The following C1orf21 variants were observed in gnomAD, a reference collection of about 807,000 sequenced individuals.
The protein encoded by C1orf21 is chromosome 1 open reading frame 21.
C1orf21 carries 3 observed loss-of-function variants against 18.7 expected under a neutral mutation model. The ratio of observed to expected loss-of-function variants is 0.16; its 90% CI spans 0.07 to 0.42. The LOEUF (loss-of-function observed/expected upper bound fraction) is 0.42. Ranked by LOEUF, C1orf21 falls within the 10% of genes least tolerant of loss-of-function variation. The pLI is 0.99. For synonymous variants in C1orf21, 41 were observed against 46.4 expected, an observed-to-expected ratio of 0.88 and a Z score of 0.47; for missense variants, 104 against 143.6, an observed-to-expected ratio of 0.72 and a Z score of 1.41.
rs545151701 is a variant in C1orf21 at position 184,399,904 on chromosome 1, C to T, written c.-125+12536C>T. On this transcript the variant is annotated intron_variant, in intron 1 of 5. Transcript: ENST00000235307. ...CTTGACAACATCAACTATTTGTTAC[C>T]CTGAGATATAGTTTATGTAGGAAAA... Among the ~76,000 whole-genome samples the T allele has an allele frequency of 7.2e-5, 11 of 152,120 alleles. No homozygotes were observed. In the South Asian group the frequency reaches 2.3e-3, roughly 32 times the overall value.
At chr1:184,391,974 C>G (rs1475756185) in intron 1 of C1orf21, among the ~76,000 whole-genome samples, 1 of 152,172 alleles carries the variant, frequency 6.6e-6, no homozygotes, top group African/African-American at 2.4e-5. Flanking sequence ...TCCCAAAGTG[C>G]TGGGATTACA....
chr1:184,456,556 C>T (rs1557976774), intron 1 of C1orf21, among the ~76,000 whole-genome samples: 1 of 152,156 alleles, frequency 6.6e-6, no homozygotes, highest in Non-Finnish European at 1.5e-5. Context: ...AAAGACAGTT[C>T]CACTGTTCCT....
rs1450369807 is a variant in C1orf21 at position 184,512,674 on chromosome 1, T to C, written c.189+4992T>C. Among the ~76,000 whole-genome samples, 6 of 152,186 alleles carry C rather than the reference T, an allele frequency of 3.9e-5. No individual in the cohort carries two copies. In the East Asian group the frequency reaches 7.7e-4, roughly 20 times the overall value. On this transcript the variant is annotated intron_variant, in intron 3 of 5. Coordinates refer to ENST00000235307, the MANE Select transcript of C1orf21 (RefSeq NM_030806.4). ...GTAAGTATCAGTATGGGGCCTAGCT[T>C]CACCATTTCTAGCTTTATAATTTTG...
intron 2 of C1orf21, among the ~76,000 whole-genome samples, chr1:184,493,635 T>C (rs1259693490): frequency 6.6e-6 from 1 of 152,264 alleles, no homozygotes. Flanking sequence ...TGTCAAATTA[T>C]GTATGAAATA....
intron 1 of C1orf21, among the ~76,000 whole-genome samples, chr1:184,400,419 G>C (rs2207523): frequency 1.3e-5 from 2 of 151,834 alleles, no homozygotes; most frequent in Non-Finnish European, 2.9e-5. Context: ...TGTATGTGTA[G>C]GTATGATATA....
At chr1:184,509,826 G>A (rs1420120650) in intron 3 of C1orf21, among the ~76,000 whole-genome samples, 1 of 152,108 alleles carries the variant, frequency 6.6e-6, no homozygotes, top group Non-Finnish European at 1.5e-5. Flanking sequence ...TGCATTGAAG[G>A]GGCTCAGCAA....
intron 1 of C1orf21, among the ~76,000 whole-genome samples, chr1:184,422,750 T>C (rs529944546): frequency 6.6e-6 from 1 of 152,368 alleles, no homozygotes; most frequent in African/African-American, 2.4e-5. Flanking sequence ...CGTACATATC[T>C]CTCTGAGAGC....
chr1:184,446,508 G>A (rs1271473862), intron 1 of C1orf21, among the ~76,000 whole-genome samples: 1 of 152,064 alleles, frequency 6.6e-6, no homozygotes, highest in Non-Finnish European at 1.5e-5. Context: ...CAATCTGCAG[G>A]ATATAGAAGA....
rs1161550778 is a variant in C1orf21, at chr1:184,548,431, T to C, written c.189+40749T>C. ...ACTCTTTTTTTTTTTTTTTTTTTTG[T>C]TGAGACGGAGTCTCCCTCTGTCGCC... is the stretch of plus-strand genomic sequence containing the variant. On this transcript the variant is annotated intron_variant, in intron 3 of 5. Coordinates refer to ENST00000235307, the MANE Select transcript of C1orf21 (RefSeq NM_030806.4). Among the ~76,000 whole-genome samples the C allele has an allele frequency of 7.7e-5, 11 of 143,728 alleles. No homozygotes were observed. In the Admixed American group the frequency reaches 7.7e-4, roughly 10 times the overall value. 94.3% of individuals were successfully genotyped at this position (143,728 alleles called of 152,430 possible). A position where few individuals can be genotyped will look rare whatever the true frequency, so the allele number is the denominator to read the frequency against.
rs536424974 is a variant in C1orf21 at position 184,541,965 on chromosome 1, G to C, written c.189+34283G>C. Among the ~76,000 whole-genome samples, 4 of 152,294 alleles carry C rather than the reference G, an allele frequency of 2.6e-5. No individual in the cohort carries two copies. In the South Asian group the frequency reaches 6.2e-4, roughly 24 times the overall value. On this transcript the variant is annotated intron_variant, in intron 3 of 5. Coordinates refer to ENST00000235307, the MANE Select transcript of C1orf21 (RefSeq NM_030806.4). ...ACAGTTTTACAAGTATAGAACTCTT[G>C]AATATGCTGAAGTTGAATATTCTGG...
At chr1:184,521,744 G>A (rs537117960) in intron 3 of C1orf21, among the ~76,000 whole-genome samples, 1 of 152,092 alleles carries the variant, frequency 6.6e-6, no homozygotes, top group African/African-American at 2.4e-5. Context: ...GAAATTTAAC[G>A]TACATAAATT....
chr1:184,541,937 A>G (rs1658658396), intron 3 of C1orf21, among the ~76,000 whole-genome samples: 1 of 152,184 alleles, frequency 6.6e-6, no homozygotes, highest in African/African-American at 2.4e-5. Flanking sequence ...CAGCTATCCT[A>G]TGACAGTTTT....
intron 1 of C1orf21, among the ~76,000 whole-genome samples, chr1:184,398,114 A>G (rs1034239524): frequency 6.6e-6 from 1 of 152,180 alleles, no homozygotes. Context: ...TAGTTTCGCC[A>G]CCTCCTAACT....
rs975731728 is a variant in C1orf21, at chr1:184,598,583, G to A, written c.327+122G>A. 4 of 992,404 alleles carry A rather than the reference G, an allele frequency of 4.0e-6. No homozygotes were observed. The African/African-American group carries it at 6.6e-5, about 16-fold the overall frequency. The allele number at this position is 992,404 out of a possible 1,614,324, so 61.5% of individuals were successfully genotyped here. ...CTATTTTTGTGAAGGTTTGGGTGGA[G>A]AGTTAAATAAAAGTCACCGCCCTTC... On this transcript the variant is annotated intron_variant, in intron 5 of 5. Transcript: ENST00000235307.
chr1:184,416,698 G>A (rs1656457105), intron 1 of C1orf21, among the ~76,000 whole-genome samples: 2 of 152,292 alleles, frequency 1.3e-5, no homozygotes, highest in African/African-American at 4.8e-5. Context: ...GGTTGTCTCT[G>A]AATGCCTGTT....
Position 184,387,084 on chromosome 1 carries a change from C to G in C1orf21, c.-409C>G, listed in dbSNP as rs896932533. ...CCACTCCCGGGGGGACGTTCCGTGC[C>G]GCGGCCGCCGCGGCCGCTGCTTCTT... On this transcript the variant is annotated 5_prime_UTR_variant, in exon 1 of 6. Coordinates refer to ENST00000235307, the MANE Select transcript of C1orf21 (RefSeq NM_030806.4). The surrounding 1 kb of genome is among the most constrained non-coding windows in gnomAD (Gnocchi z 5.6). The G allele has an allele frequency of 2.6e-5, 4 of 151,550 alleles. No individual in the cohort carries two copies. The highest frequency in any genetic ancestry group is 9.7e-5 in the African/African-American group (4 of 41,292). The allele number at this position is 151,550 out of a possible 1,614,324, so 9.4% of individuals were successfully genotyped here.
At position 184,486,576 on chromosome 1, in the gene C1orf21, G is replaced by A. The variant is rs1193609576; in HGVS notation, c.94+8973G>A. On this transcript the variant is annotated intron_variant, in intron 2 of 5. Coordinates refer to ENST00000235307, the MANE Select transcript of C1orf21 (RefSeq NM_030806.4). The stretch of plus-strand genomic sequence containing the variant: ...TCCTCCCCTCGGCCAGCACAAAATA[G>A]ATACCATGCTAGATGCCGCCTTGAT... Among the ~76,000 whole-genome samples the A allele has an allele frequency of 5.9e-5, 9 of 152,264 alleles. No individual in the cohort carries two copies. The South Asian group carries it at 1.9e-3, about 32-fold the overall frequency.
At chr1:184,506,751 C>T (rs185861328) in intron 2 of C1orf21, among the ~76,000 whole-genome samples, 11 of 152,204 alleles carry the variant, frequency 7.2e-5, no homozygotes, top group African/African-American at 2.6e-4. Flanking sequence ...TCATAGTGAT[C>T]AGTCTTCTGG....
chr1:184,421,903 C>T (rs1019925598), intron 1 of C1orf21, among the ~76,000 whole-genome samples: 1 of 152,132 alleles, frequency 6.6e-6, no homozygotes, highest in Non-Finnish European at 1.5e-5. Flanking sequence ...TTTATAAAGT[C>T]CGCTTCCCCA....
Sources: allele counts gnomAD v4.1 joint callset (sites outside exome capture counted in the v4.1 genomes callset), GRCh38; gene constraint gnomAD v4.1.1; non-coding constraint Gnocchi (gnomAD v3.1); transcripts MANE v1.5; gene names NCBI Gene and HGNC (gene_info 2026-07-23, HGNC 2026-07-21).